Variants in LEF1 observed in about 807,000 individuals in gnomAD.
LEF1 encodes the protein lymphoid enhancer-binding factor 1.
A neutral mutation model predicts 51.2 loss-of-function variants in LEF1; 14 were observed. That is an observed-to-expected ratio of 0.27 (90% CI 0.18 to 0.43). The LOEUF is 0.43. Ranked by LOEUF, LEF1 falls within the 20% of genes least tolerant of loss-of-function variation. LEF1 has a pLI of 1.00. For missense variants in LEF1, 386 were observed against 512.0 expected, an observed-to-expected ratio of 0.75 and a Z score of 2.37; for synonymous variants, 185 against 183.2, an observed-to-expected ratio of 1.01 and a Z score of -0.08.
intron 5 of LEF1, among the ~76,000 whole-genome samples, chr4:108,082,110 T>C (rs983969895): frequency 2.0e-5 from 3 of 152,194 alleles, no homozygotes; most frequent in Non-Finnish European, 4.4e-5. Flanking sequence ...TATATTCATA[T>C]AAAAATAAAC....
chr4:108,114,225 A>T (rs772387521), intron 3 of LEF1, among the ~76,000 whole-genome samples: 6 of 152,132 alleles, frequency 3.9e-5, no homozygotes, highest in Non-Finnish European at 7.4e-5. Flanking sequence ...TCTCTTCTTT[A>T]TTGTTAACCC....
chr4:108,093,096 CTTATT>C (rs1312615103), intron 3 of LEF1, among the ~76,000 whole-genome samples: 1 of 151,930 alleles, frequency 6.6e-6, no homozygotes, highest in East Asian at 1.9e-4. Context: ...ATTTTAGTTC[CTTATT>C]TTAATTTTAC....
intron 9 of LEF1, among the ~76,000 whole-genome samples, chr4:108,070,188 T>C (rs879287171): frequency 6.6e-6 from 1 of 152,082 alleles, no homozygotes; most frequent in Admixed American, 6.5e-5. Context: ...TAATGGAATA[T>C]TGATAGACAT....
At chr4:108,163,852 T>C (rs1745223479) in intron 2 of LEF1, 151 bp from the exon 3 acceptor site, 1 of 801,948 alleles carries the variant, frequency 1.2e-6, no homozygotes, top group African/African-American at 1.7e-5. Context: ...TTATGCTCTA[T>C]TTTAGATTGA....
At chr4:108,166,529 C>CGGGTA in intron 1 of LEF1, 1 of 1,304,130 alleles carries the variant, frequency 7.7e-7, no homozygotes, top group Non-Finnish European at 9.8e-7. Context: ...AGTGGAGTGT[C>CGGGTA]GGGTATCAGG....
chr4:108,069,046 G>A (rs917231296), intron 9 of LEF1, among the ~76,000 whole-genome samples: 4 of 152,106 alleles, frequency 2.6e-5, no homozygotes, highest in Non-Finnish European at 5.9e-5. Context: ...TCTTTGGGAG[G>A]TGATCATAGC....
At chr4:108,053,018 A>C (rs533063812) in intron 11 of LEF1, among the ~76,000 whole-genome samples, 1 of 152,270 alleles carries the variant, frequency 6.6e-6, no homozygotes, top group Non-Finnish European at 1.5e-5. Flanking sequence ...AACTCTCAAC[A>C]TGTGTTCTCT....
chr4:108,149,188 G>A (rs1343205671), intron 3 of LEF1, among the ~76,000 whole-genome samples: 5 of 152,082 alleles, frequency 3.3e-5, no homozygotes, highest in Admixed American at 2.6e-4. Context: ...GGCCGGGCGC[G>A]GTGGCTCACG....
In LEF1 at chr4:108,089,168, T is replaced by A. The variant is rs549043781; in HGVS notation, c.504A>T (p.Gly168=). ...ITYSDEHFSP[G]SHPSHIPSDV... is the part of the protein sequence containing the mutation. ...CTGATGGGATGTGTGACGGGTGTGATCCTGGAGAAAAGTGCTCGTCACTGT... is the reference window on the plus strand; with the variant it reads ...CTGATGGGATGTGTGACGGGTGTGAACCTGGAGAAAAGTGCTCGTCACTGT... Residue 168 remains glycine, a synonymous_variant, in exon 4 of 12, where the codon GGA becomes GGT. Coordinates refer to ENST00000265165, the MANE Select transcript of LEF1 (RefSeq NM_016269.5). 3.7e-6 allele frequency: 6 copies of A among 1,614,020 alleles called. No homozygotes were observed. The East Asian group carries it at 1.1e-4, about 30-fold the overall frequency.
intron 9 of LEF1, chr4:108,070,405 T>A (rs1738388946): frequency 1.1e-5 from 3 of 283,722 alleles, no homozygotes; most frequent in Non-Finnish European, 1.9e-5. Flanking sequence ...GTTTCTTTTA[T>A]CAAATTTTAA....
chr4:108,154,546 C>A (rs1465683194), intron 3 of LEF1, among the ~76,000 whole-genome samples: 3 of 138,434 alleles, frequency 2.2e-5, no homozygotes, highest in South Asian at 2.3e-4. Flanking sequence ...TGTATGAATA[C>A]AAATAAGAAA....
chr4:108,154,346 C>T (rs1186868089), intron 3 of LEF1, among the ~76,000 whole-genome samples: 2 of 147,226 alleles, frequency 1.4e-5, no homozygotes, highest in South Asian at 2.1e-4. Flanking sequence ...TCTTTAACAC[C>T]GGGAGTATAA....
At chr4:108,095,854 G>T (rs954999633) in intron 3 of LEF1, among the ~76,000 whole-genome samples, 1 of 152,168 alleles carries the variant, frequency 6.6e-6, no homozygotes, top group East Asian at 1.9e-4. Context: ...AGTAACTGGA[G>T]CCTGTAAATA....
chr4:108,114,724 G>C (rs994801757), intron 3 of LEF1, among the ~76,000 whole-genome samples: 7 of 152,226 alleles, frequency 4.6e-5, no homozygotes, highest in Non-Finnish European at 1.0e-4. Flanking sequence ...TTGCCTTCTG[G>C]AAAAGGGTTT....
intron 3 of LEF1, among the ~76,000 whole-genome samples, chr4:108,155,888 TCAC>T (rs1733218151): frequency 1.3e-5 from 2 of 152,276 alleles, no homozygotes; most frequent in South Asian, 4.1e-4. Flanking sequence ...AAAATTTTGT[TCAC>T]CACATTGCAA....
intron 3 of LEF1, among the ~76,000 whole-genome samples, chr4:108,158,055 AC>A (rs534886792): frequency 2.9e-4 from 42 of 144,094 alleles, no homozygotes; most frequent in African/African-American, 1.0e-3. Flanking sequence ...CCCCACCTCC[AC>A]CCCCAGTCTT....
intron 4 of LEF1, among the ~76,000 whole-genome samples, chr4:108,086,591 T>C (rs1486960329): frequency 6.6e-6 from 1 of 152,202 alleles, no homozygotes; most frequent in Non-Finnish European, 1.5e-5. Context: ...GCTACTGTTT[T>C]ATAAAATAAG....
chr4:108,142,487 C>A (rs185249301), intron 3 of LEF1, among the ~76,000 whole-genome samples: 33 of 152,210 alleles, frequency 2.2e-4, no homozygotes, highest in African/African-American at 7.9e-4. Context: ...ACACTAGTAT[C>A]CTATTTCTTA....
chr4:108,067,312 T>C (rs374188945), intron 9 of LEF1, among the ~76,000 whole-genome samples: 1 of 152,286 alleles, frequency 6.6e-6, no homozygotes, highest in South Asian at 2.1e-4. Context: ...AGAGAGCAGA[T>C]AGAGAAAGAG....
Sources: allele counts gnomAD v4.1 joint callset (sites outside exome capture counted in the v4.1 genomes callset), GRCh38; gene constraint gnomAD v4.1.1; transcripts MANE v1.5; gene names NCBI Gene and HGNC (gene_info 2026-07-23, HGNC 2026-07-21).